The following C8B variants were observed in gnomAD, a reference collection of about 807,000 sequenced individuals.
C8B encodes complement component C8 beta chain.
C8B carries 67 observed loss-of-function variants against 64.6 expected under a neutral mutation model. That is an observed-to-expected ratio of 1.04 (90% CI 0.85 to 1.27). The LOEUF (loss-of-function observed/expected upper bound fraction) is 1.27, where lower values mean the gene tolerates loss of function less well. Ranked by LOEUF, C8B falls within the 50% of genes most tolerant of loss-of-function variation. The pLI, the probability that C8B is intolerant of heterozygous loss-of-function variation, is 0.00. For missense variants in C8B, 790 were observed against 725.2 expected (o/e 1.09, Z -1.03); for synonymous variants, 284 against 257.7 (o/e 1.10, Z -0.98).
At chr1:56,950,890 G>T (rs997411329) in intron 5 of C8B, among the ~76,000 whole-genome samples, 1 of 152,172 alleles carries the variant, frequency 6.6e-6, no homozygotes, top group Non-Finnish European at 1.5e-5. Flanking sequence ...CCTGAGTTAG[G>T]ATCCACTTGC....
Position 56,940,853 on chromosome 1 carries a change from A to C in C8B, c.1394T>G (p.Val465Gly). 1 of 1,613,920 alleles carries C rather than the reference A, an allele frequency of 6.2e-7. No individual in the cohort carries two copies. Residue 465 changes from valine to glycine, a missense_variant, in exon 9 of 12, where the codon GTT (valine) becomes GGT (glycine). Coordinates refer to ENST00000371237, the MANE Select transcript of C8B (RefSeq NM_000066.4). ...AVQYNPAIIK[V>G]KVEPLYELVT... ...GGGTAGAGCAGCGTTGTGTACCTTA[A>C]CTTTGATGATGGCTGGGTTGTACTG...
intron 5 of C8B, among the ~76,000 whole-genome samples, chr1:56,951,382 GC>G (rs1645019160): frequency 6.6e-6 from 1 of 152,192 alleles, no homozygotes; most frequent in Non-Finnish European, 1.5e-5. Flanking sequence ...CTGTGGCAGA[GC>G]CAGTCCTGGA....
intron 2 of C8B, among the ~76,000 whole-genome samples, chr1:56,957,580 T>G (rs2101455438): frequency 6.6e-6 from 1 of 152,336 alleles, no homozygotes; most frequent in Admixed American, 6.5e-5. Context: ...CTTGGACTTG[T>G]TTTTCTTTAT....
At chr1:56,956,943 TA>T (rs1436389110) in intron 2 of C8B, 33 bp from the exon 3 acceptor site, 1 of 1,613,316 alleles carries the variant, frequency 6.2e-7, no homozygotes, top group Non-Finnish European at 8.5e-7. Context: ...GAACCAAGGG[TA>T]AAGCCTTAGA....
intron 4 of C8B, among the ~76,000 whole-genome samples, chr1:56,952,634 C>G (rs1645039555): frequency 6.6e-6 from 1 of 152,166 alleles, no homozygotes; most frequent in South Asian, 2.1e-4. Context: ...CTACAGTTGC[C>G]TTGCGAGAGT....
chr1:56,945,766 A>G (rs1225456740), intron 7 of C8B, 55 bp downstream of exon 7: 6 of 1,610,768 alleles, frequency 3.7e-6, no homozygotes, highest in African/African-American at 2.7e-5. Flanking sequence ...TACAAGTTCA[A>G]CTTATGACTC....
Position 56,952,165 on chromosome 1 carries a change from T to G in C8B, c.549A>C (p.Thr183=), listed in dbSNP as rs1570396404. 1.9e-6 allele frequency: 3 copies of G among 1,614,180 alleles called. No individual in the cohort carries two copies. Among genetic ancestry groups the G allele is most frequent in the South Asian group, 1.1e-5 (1 of 91,080 alleles). The part of the protein sequence containing the change: ...GSLASGINLF[T]NSFEGPVLDH... Reference sequence around the variant, plus strand: ...CAAGAACTGGGCCCTCAAAACTGTTTGTGAACAAATTTATCCTGTGAGGAA... The same window carrying G: ...CAAGAACTGGGCCCTCAAAACTGTTGGTGAACAAATTTATCCTGTGAGGAA... Residue 183 remains threonine (T), a synonymous_variant, in exon 5 of 12, where the codon ACA becomes ACC. Transcript: ENST00000371237.
chr1:56,947,308 A>G (rs914580791), intron 6 of C8B, among the ~76,000 whole-genome samples: 6 of 152,290 alleles, frequency 3.9e-5, no homozygotes, highest in Middle Eastern at 3.4e-3. Flanking sequence ...TTCAGCTTCT[A>G]CACTCCTGAA....
chr1:56,944,058 T>C (rs1301094602), intron 7 of C8B, among the ~76,000 whole-genome samples: 1 of 152,162 alleles, frequency 6.6e-6, no homozygotes, highest in East Asian at 1.9e-4. Context: ...TCTCTGAGGA[T>C]TCTTGCTGAC....
Position 56,958,881 on chromosome 1 carries a change from T to C in C8B, c.249+1139A>G, listed in dbSNP as rs143206093. Among the ~76,000 whole-genome samples the C allele has an allele frequency of 3.0e-3, 463 of 152,362 alleles. 2 individuals carry two copies. The highest frequency in any genetic ancestry group is 0.011 in the African/African-American group (449 of 41,590). On this transcript the variant is annotated intron_variant, in intron 2 of 11. Coordinates refer to ENST00000371237, the MANE Select transcript of C8B (RefSeq NM_000066.4). ...TTACTTCCACAGCCTCTTTAGAGTCTAAGCCCATGGCTGGTTTGGTTTCCC... is the reference window on the plus strand; with the variant it reads ...TTACTTCCACAGCCTCTTTAGAGTCCAAGCCCATGGCTGGTTTGGTTTCCC...
intron 9 of C8B, among the ~76,000 whole-genome samples, chr1:56,939,598 A>G (rs1019836128): frequency 6.6e-6 from 1 of 152,164 alleles, no homozygotes; most frequent in Admixed American, 6.5e-5. Context: ...CCCTGTGCAG[A>G]AGTCCCCACA....
chr1:56,943,709 CAGA>C lies in C8B; in HGVS notation c.1218_1220del (p.Ile406_Leu407delinsMet). 6.2e-7 allele frequency: 1 copy of C among 1,614,084 alleles called. No individual in the cohort carries two copies. The highest frequency in any genetic ancestry group is 8.5e-7 in the Non-Finnish European group (1 of 1,179,978). ...CCTGTCACTCACCTTTTATTTCATT[CAGA>C]ATACCTCTGCATTTGCCTACAGACA... is the stretch of plus-strand genomic sequence containing the variant. On this transcript the variant is annotated inframe_deletion, in exon 8 of 12. Coordinates refer to ENST00000371237, the MANE Select transcript of C8B (RefSeq NM_000066.4).
intron 8 of C8B, among the ~76,000 whole-genome samples, chr1:56,942,657 T>A (rs1297045253): frequency 6.6e-6 from 1 of 151,920 alleles, no homozygotes; most frequent in Non-Finnish European, 1.5e-5. Context: ...TGAGCTGAGG[T>A]CATACCACTG....
intron 6 of C8B, among the ~76,000 whole-genome samples, chr1:56,946,973 A>G (rs190074081): frequency 6.6e-6 from 1 of 152,228 alleles, no homozygotes; most frequent in Admixed American, 6.5e-5. Context: ...TGCCTCAGTG[A>G]CCTATGACCC....
At chr1:56,946,228 C>T (rs1282436111) in intron 6 of C8B, among the ~76,000 whole-genome samples, 167 bp from the exon 7 acceptor site, 3 of 152,264 alleles carry the variant, frequency 2.0e-5, no homozygotes, top group East Asian at 1.9e-4. Context: ...GCTTTCAGTG[C>T]TCATAAATAT....
In C8B at chr1:56,954,795, C is replaced by A; in HGVS notation, c.424G>T (p.Gly142Trp). Residue 142 changes from glycine to tryptophan, a missense_variant, in exon 4 of 12, where the codon GGG (glycine) becomes TGG (tryptophan). Transcript: ENST00000371237. Reference protein sequence around the residue: ...RCVNRRLLCNGDNDCGDQSDE... With the variant: ...RCVNRRLLCNWDNDCGDQSDE... ...GACTGGTCTCCACAGTCATTGTCCC[C>A]ATTGCAAAGAAGTCTGCGGTTTACA... 6.2e-7 allele frequency: 1 copy of A among 1,614,126 alleles called. No individual in the cohort carries two copies. The highest frequency in any genetic ancestry group is 1.1e-5 in the South Asian group (1 of 91,090).
At position 56,946,031 on chromosome 1, in the gene C8B, G is replaced by A. The variant is rs374138669; in HGVS notation, c.895C>T (p.Leu299Phe). Residue 299 changes from leucine (L) to phenylalanine (F), a missense_variant, in exon 7 of 12, where the codon CTT (leucine) becomes TTT (phenylalanine). Leu to Phe is a conservative substitution (Grantham distance 22). Coordinates refer to ENST00000371237, the MANE Select transcript of C8B (RefSeq NM_000066.4). Reference sequence around the variant, plus strand: ...TTCAGCTTGTAATGTGCTACTTCAAGGTCAGAGCGTGCATGCAGAAATACG... The same window carrying A: ...TTCAGCTTGTAATGTGCTACTTCAAAGTCAGAGCGTGCATGCAGAAATACG... The part of the protein sequence containing the change: ...KSVFLHARSD[L>F]EVAHYKLKPR... 2.5e-5 allele frequency: 41 copies of A among 1,613,972 alleles called. No homozygotes were observed. The highest frequency in any genetic ancestry group is 3.3e-5 in the Non-Finnish European group (39 of 1,180,010).
At chr1:56,934,456 G>A (rs1644747529) in intron 9 of C8B, among the ~76,000 whole-genome samples, 1 of 152,128 alleles carries the variant, frequency 6.6e-6, no homozygotes, top group South Asian at 2.1e-4. Context: ...AAAACCAGAG[G>A]CACAGACAGT....
intron 3 of C8B, 72 bp downstream of exon 3, chr1:56,956,697 C>G: frequency 3.9e-6 from 6 of 1,558,144 alleles, no homozygotes; most frequent in Non-Finnish European, 5.3e-6. Context: ...CTGGACATGG[C>G]CTGTCCCTTG....
Sources: allele counts gnomAD v4.1 joint callset (sites outside exome capture counted in the v4.1 genomes callset), GRCh38; gene constraint gnomAD v4.1.1; transcripts MANE v1.5; gene names NCBI Gene and HGNC (gene_info 2026-07-23, HGNC 2026-07-21).